The following ZBTB2 variants were observed in gnomAD, a reference collection of about 807,000 sequenced individuals.
ZBTB2 encodes the protein zinc finger and BTB domain-containing protein 2.
Under a neutral mutation model 39.5 loss-of-function variants are expected in ZBTB2, and 2 were observed. The ratio of observed to expected loss-of-function variants is 0.05; its 90% confidence interval spans 0.02 to 0.16. The LOEUF (loss-of-function observed/expected upper bound fraction) is 0.16. Among genes scored for constraint, ZBTB2 ranks in the 10% least tolerant of loss-of-function variants. The pLI is 1.00. For missense variants in ZBTB2, 391 were observed against 653.0 expected (o/e 0.60, Z 4.37); for synonymous variants, 251 against 256.6 (o/e 0.98, Z 0.21).
At position 151,365,464 on chromosome 6, in the gene ZBTB2, A is replaced by C; in HGVS notation, c.*57T>G. 2 of 1,531,670 alleles carry C rather than the reference A, an allele frequency of 1.3e-6. No homozygotes were observed. The highest frequency in any genetic ancestry group is 1.8e-6 in the Non-Finnish European group (2 of 1,139,368). 94.9% of individuals were successfully genotyped at this position (1,531,670 alleles called of 1,614,324 possible). A position where few individuals can be genotyped will look rare whatever the true frequency, so the allele number is the denominator to read the frequency against. On this transcript the variant is annotated 3_prime_UTR_variant, in exon 3 of 3. Transcript: ENST00000325144. This position sits in a 1 kb window ranked among gnomAD's most constrained non-coding sequence, Gnocchi z 5.6. ...GAGAACTACAGTTCTGAATTCAGGG[A>C]AGGGAGGGAAGATAGTCTTTGTAAA...
chr6:151,389,942 A>C (rs7761636), intron 1 of ZBTB2, among the ~76,000 whole-genome samples: 2 of 151,778 alleles, frequency 1.3e-5, no homozygotes, highest in African/African-American at 4.8e-5. Flanking sequence ...TGTTTAAACA[A>C]GAAGGGTTTA....
At chr6:151,372,565 A>G (rs1778808973) in intron 2 of ZBTB2, among the ~76,000 whole-genome samples, 1 of 152,144 alleles carries the variant, frequency 6.6e-6, no homozygotes, top group African/African-American at 2.4e-5. Context: ...TCCCAGCATG[A>G]GGGAAGAAGG....
At position 151,382,806 on chromosome 6, in the gene ZBTB2, C is replaced by T. The variant is rs373554643; in HGVS notation, c.-13+8614G>A. On this transcript the variant is annotated intron_variant, in intron 1 of 2. Coordinates refer to ENST00000325144, the MANE Select transcript of ZBTB2 (RefSeq NM_020861.3). ...CCTGACCTCAGGTGATCCACCCGCTCGGCCTCCCAAAGTGCTGGGACTATG... is the reference window on the plus strand; with the variant it reads ...CCTGACCTCAGGTGATCCACCCGCTTGGCCTCCCAAAGTGCTGGGACTATG... Among the ~76,000 whole-genome samples, 12 of 152,144 alleles carry T rather than the reference C, an allele frequency of 7.9e-5. No homozygotes were observed. The East Asian group carries it at 9.7e-4, about 12-fold the overall frequency.
At chr6:151,370,207 C>T (rs1244750607) in intron 2 of ZBTB2, 1 of 398,548 alleles carries the variant, frequency 2.5e-6, no homozygotes, top group Non-Finnish European at 3.4e-6. Flanking sequence ...ACGATCTCGG[C>T]TTACTGCAAC....
At chr6:151,368,248 A>G (rs1469034570) in intron 2 of ZBTB2, among the ~76,000 whole-genome samples, 3 of 151,412 alleles carry the variant, frequency 2.0e-5, no homozygotes, top group South Asian at 2.1e-4. Flanking sequence ...CCGGGTTCAC[A>G]CCATTCTCCT....
intron 1 of ZBTB2, among the ~76,000 whole-genome samples, chr6:151,377,608 T>C (rs914389984): frequency 6.8e-6 from 1 of 146,558 alleles, no homozygotes; most frequent in African/African-American, 2.5e-5. Flanking sequence ...TGGTGTGATC[T>C]CGGCACACTG....
intron 2 of ZBTB2, chr6:151,370,137 CATT>C (rs1181961846): frequency 1.2e-5 from 12 of 962,548 alleles, no homozygotes; most frequent in Non-Finnish European, 1.5e-5. Context: ...TTTGACATAA[CATT>C]TTTTTTTGTT....
chr6:151,389,840 C>T (rs1779244285), intron 1 of ZBTB2, among the ~76,000 whole-genome samples: 1 of 152,154 alleles, frequency 6.6e-6, no homozygotes, highest in South Asian at 2.1e-4. Context: ...CTGCTACCCT[C>T]GCTTCTTTAT....
At chr6:151,371,825 G>A (rs1778794966) in intron 2 of ZBTB2, among the ~76,000 whole-genome samples, 1 of 152,202 alleles carries the variant, frequency 6.6e-6, no homozygotes, top group Non-Finnish European at 1.5e-5. Context: ...ATGGAAGTGA[G>A]AAAGGAAAAG....
chr6:151,387,357 C>T (rs1779181238), intron 1 of ZBTB2, among the ~76,000 whole-genome samples: 1 of 67,374 alleles, frequency 1.5e-5, no homozygotes, highest in Admixed American at 1.5e-4. Flanking sequence ...AGTGTCAACA[C>T]TGAGAAGACA....
At position 151,366,916 on chromosome 6, in the gene ZBTB2, A is replaced by G; in HGVS notation, c.174-24T>C. On this transcript the variant is annotated intron_variant, in intron 2 of 2. Coordinates refer to ENST00000325144, the MANE Select transcript of ZBTB2 (RefSeq NM_020861.3). This position sits in a 1 kb window ranked among gnomAD's most constrained non-coding sequence, Gnocchi z 7.1. ...CACTGAAAGAAACAAGTAAAAAAATACGTGAGTAAATGCCAGTCTAGGTGT... is the reference window on the plus strand; with the variant it reads ...CACTGAAAGAAACAAGTAAAAAAATGCGTGAGTAAATGCCAGTCTAGGTGT... The G allele has an allele frequency of 1.3e-6, 2 of 1,576,822 alleles. No individual in the cohort carries two copies. Among genetic ancestry groups the G allele is most frequent in the Non-Finnish European group, 8.6e-7 (1 of 1,161,128 alleles).
At chr6:151,368,036 C>A (rs1193631611) in intron 2 of ZBTB2, among the ~76,000 whole-genome samples, 4 of 152,250 alleles carry the variant, frequency 2.6e-5, no homozygotes, top group African/African-American at 9.6e-5. Context: ...AATTCAAAGA[C>A]AGCTTCCTTG....
rs749794126 is a variant in ZBTB2 at position 151,365,647 on chromosome 6, C to T, written c.1419G>A (p.Ser473=). 1.5e-5 allele frequency: 24 copies of T among 1,614,192 alleles called. 1 individual carries two copies. The South Asian group carries it at 2.0e-4, about 13-fold the overall frequency. Residue 473 remains serine (S), a synonymous_variant, in exon 3 of 3, where the codon TCG becomes TCA. Coordinates refer to ENST00000325144, the MANE Select transcript of ZBTB2 (RefSeq NM_020861.3). The surrounding 1 kb of genome is among the most constrained non-coding windows in gnomAD (Gnocchi z 5.6). ...GCCCTTCGTCTAGGGCAAAAACATC[C>T]GAGTTCTGGTTTTGGCATGAATGTT... The part of the protein sequence containing the change: ...VVKHSCQNQN[S]DVFALDEGRS...
chr6:151,381,712 G>C (rs1329003046), intron 1 of ZBTB2, among the ~76,000 whole-genome samples: 3 of 152,118 alleles, frequency 2.0e-5, no homozygotes, highest in Non-Finnish European at 2.9e-5. Flanking sequence ...CAGGCTTTCT[G>C]ATTTCACAGA....
chr6:151,370,117 T>C, intron 2 of ZBTB2: 2 of 976,124 alleles, frequency 2.0e-6, no homozygotes, highest in Non-Finnish European at 2.4e-6. Flanking sequence ...CTAAGTAGTT[T>C]CCAGATATGT....
chr6:151,369,415 T>C (rs972415688), intron 2 of ZBTB2, among the ~76,000 whole-genome samples: 1 of 151,992 alleles, frequency 6.6e-6, no homozygotes, highest in Non-Finnish European at 1.5e-5. Flanking sequence ...TGCAGTGGCA[T>C]GATCATAGCT....
chr6:151,380,082 C>T (rs1778998309), intron 1 of ZBTB2, among the ~76,000 whole-genome samples: 1 of 151,470 alleles, frequency 6.6e-6, no homozygotes, highest in African/African-American at 2.4e-5. Context: ...TCAGGAAACA[C>T]ACTGAACATA....
Position 151,391,462 on chromosome 6 carries a change from C to A in ZBTB2, c.-55G>T. 1 of 152,424 alleles carries A rather than the reference C, an allele frequency of 6.6e-6. No homozygotes were observed. Among genetic ancestry groups the A allele is most frequent in the South Asian group, 1.8e-4 (1 of 5,452 alleles). 9.4% of individuals were successfully genotyped at this position (152,424 alleles called of 1,614,324 possible). A position where few individuals can be genotyped will look rare whatever the true frequency, so the allele number is the denominator to read the frequency against. On this transcript the variant is annotated 5_prime_UTR_variant, in exon 1 of 3. It adds an upstream start codon to the 5' untranslated region. Coordinates refer to ENST00000325144, the MANE Select transcript of ZBTB2 (RefSeq NM_020861.3). ...GCGGCGGGGGGTGTGGAGGAGGCGC[C>A]TCTGGGCAGCCTCGGCCGTGCTGTC... is the stretch of plus-strand genomic sequence containing the variant.
intron 1 of ZBTB2, among the ~76,000 whole-genome samples, chr6:151,382,402 T>C (rs1779054331): frequency 6.6e-6 from 1 of 151,436 alleles, no homozygotes; most frequent in African/African-American, 2.4e-5. Context: ...ATTACAGGAA[T>C]GTGCCACCAC....
Sources: gnomAD v4.1 joint callset for allele counts (sites outside exome capture counted in the v4.1 genomes callset) on GRCh38, gnomAD v4.1.1 for gene constraint, Gnocchi (gnomAD v3.1) non-coding constraint, MANE v1.5 for transcripts, NCBI Gene and HGNC (gene_info 2026-07-23, HGNC 2026-07-21) for gene names.